The following ZNF804B variants were observed in gnomAD, a reference collection of about 807,000 sequenced individuals.
The protein encoded by ZNF804B is zinc finger 804B.
A neutral mutation model predicts 101.4 loss-of-function variants in ZNF804B; 80 were observed. The ratio of observed to expected loss-of-function variants is 0.79; its 90% CI spans 0.66 to 0.95. ZNF804B has a LOEUF of 0.95. Ranked by LOEUF, ZNF804B falls within the 40% of genes least tolerant of loss-of-function variation. The pLI is 0.00. For missense variants in ZNF804B, 1,673 were observed against 1,561.9 expected (o/e 1.07, Z -1.20); for synonymous variants, 622 against 558.8 (o/e 1.11, Z -1.59).
chr7:89,274,985 A>G lies in ZNF804B; in HGVS notation c.250-52359A>G, dbSNP rs532306065. 3.9e-5 allele frequency among the ~76,000 whole-genome samples: 6 copies of G among 151,922 alleles called. No homozygotes were observed. In the South Asian group the frequency reaches 1.2e-3, roughly 32 times the overall value. On this transcript the variant is annotated intron_variant, in intron 2 of 3. Transcript: ENST00000333190. ...TTCTCAGTGAGACAGAGAATAGAAA[A>G]CTCTCAAATGTGTAGCTCTGAAATG...
chr7:89,166,774 T>C (rs577250126), intron 1 of ZNF804B, among the ~76,000 whole-genome samples: 2 of 152,182 alleles, frequency 1.3e-5, no homozygotes, highest in South Asian at 4.1e-4. Flanking sequence ...ATTGGAGAGA[T>C]GAACTTCCCA....
chr7:88,995,353 A>G (rs1357467992), intron 1 of ZNF804B, among the ~76,000 whole-genome samples: 2 of 152,110 alleles, frequency 1.3e-5, no homozygotes, highest in Admixed American at 6.6e-5. Context: ...TATAATAGAT[A>G]TACTTACTAA....
chr7:89,041,396 CTGATGCTGGG>C (rs1789015547), intron 1 of ZNF804B, among the ~76,000 whole-genome samples: 2 of 152,102 alleles, frequency 1.3e-5, no homozygotes, highest in South Asian at 4.1e-4. Context: ...AGTGGCCAGC[CTGATGCTGGG>C]ACAGGTCTTA....
intron 1 of ZNF804B, among the ~76,000 whole-genome samples, chr7:88,843,779 A>G (rs1193518737): frequency 6.6e-6 from 1 of 152,012 alleles, no homozygotes; most frequent in South Asian, 2.1e-4. Context: ...AAATGAAGAC[A>G]ATGTCAAACT....
intron 1 of ZNF804B, among the ~76,000 whole-genome samples, chr7:88,950,140 A>G (rs1356171676): frequency 6.6e-6 from 1 of 151,952 alleles, no homozygotes; most frequent in Non-Finnish European, 1.5e-5. Context: ...CAATCATGTC[A>G]TAAGTGAATA....
At chr7:89,126,834 T>C (rs1024244896) in intron 1 of ZNF804B, among the ~76,000 whole-genome samples, 14 of 151,954 alleles carry the variant, frequency 9.2e-5, no homozygotes, top group African/African-American at 3.1e-4. Context: ...GCATCATTAG[T>C]ATACTGAGAT....
At chr7:89,156,131 T>C (rs1283757111) in intron 1 of ZNF804B, among the ~76,000 whole-genome samples, 1 of 150,848 alleles carries the variant, frequency 6.6e-6, no homozygotes, top group Admixed American at 6.6e-5. Context: ...CTTTCCTTCT[T>C]TCATGGAGTT....
chr7:89,168,596 G>T (rs542706846), intron 1 of ZNF804B, among the ~76,000 whole-genome samples: 26 of 151,050 alleles, frequency 1.7e-4, no homozygotes, highest in African/African-American at 6.1e-4. Flanking sequence ...ACCCCTTAAA[G>T]CTTAAAGAAA....
At chr7:88,868,865 G>A (rs1270136639) in intron 1 of ZNF804B, among the ~76,000 whole-genome samples, 2 of 152,150 alleles carry the variant, frequency 1.3e-5, no homozygotes, top group Non-Finnish European at 2.9e-5. Flanking sequence ...GTTCCTCCTG[G>A]GAGAAAAGAG....
chr7:88,794,009 T>C (rs952258824), intron 1 of ZNF804B: 21 of 479,166 alleles, frequency 4.4e-5, no homozygotes, highest in Non-Finnish European at 6.7e-5. Flanking sequence ...CCACAACAAA[T>C]AGATACATTT....
intron 2 of ZNF804B, among the ~76,000 whole-genome samples, chr7:89,277,664 A>G (rs1790009680): frequency 6.6e-6 from 1 of 151,364 alleles, no homozygotes; most frequent in South Asian, 2.1e-4. Context: ...CCATGTCCCT[A>G]CAAAGGACAT....
At position 89,048,235 on chromosome 7, in the gene ZNF804B, C is replaced by T. The variant is rs1030286452; in HGVS notation, c.109-169920C>T. Among the ~76,000 whole-genome samples, 3 of 146,914 alleles carry T rather than the reference C, an allele frequency of 2.0e-5. No homozygotes were observed. The South Asian group carries it at 6.4e-4, about 32-fold the overall frequency. ...ACACACACACACACACAATGGAATA[C>T]TACTCAGCTGTAAAAAGGAATGAAT... On this transcript the variant is annotated intron_variant, in intron 1 of 3. Transcript: ENST00000333190.
chr7:89,011,561 C>T (rs141444855), intron 1 of ZNF804B, among the ~76,000 whole-genome samples: 3 of 152,242 alleles, frequency 2.0e-5, no homozygotes, highest in Non-Finnish European at 2.9e-5. Context: ...TGGGTAAATA[C>T]AGCTGTTCCA....
At chr7:89,194,297 G>A (rs1788508907) in intron 1 of ZNF804B, among the ~76,000 whole-genome samples, 2 of 151,950 alleles carry the variant, frequency 1.3e-5, no homozygotes, top group South Asian at 2.1e-4. Flanking sequence ...CTTTTGCTGT[G>A]CAGAAGCTCT....
At chr7:89,175,888 C>T (rs1303083085) in intron 1 of ZNF804B, among the ~76,000 whole-genome samples, 1 of 151,772 alleles carries the variant, frequency 6.6e-6, no homozygotes, top group Non-Finnish European at 1.5e-5. Flanking sequence ...TTAAATGCTA[C>T]CAATTTTTCT....
intron 1 of ZNF804B, among the ~76,000 whole-genome samples, chr7:88,892,400 T>G (rs575374735): frequency 8.5e-5 from 13 of 152,286 alleles, no homozygotes; most frequent in Non-Finnish European, 1.3e-4. Context: ...ATAGTTTTTT[T>G]GGGGAGTATC....
intron 1 of ZNF804B, among the ~76,000 whole-genome samples, chr7:89,107,363 T>C (rs545004735): frequency 6.6e-6 from 1 of 152,292 alleles, no homozygotes; most frequent in South Asian, 2.1e-4. Flanking sequence ...TTAGTAATAG[T>C]TTCCATATGT....
intron 1 of ZNF804B, among the ~76,000 whole-genome samples, chr7:88,797,799 C>G (rs1308091465): frequency 2.0e-5 from 3 of 152,106 alleles, no homozygotes; most frequent in Non-Finnish European, 4.4e-5. Context: ...TCCACCTCAA[C>G]TTTCTGTTGA....
At chr7:89,165,638 T>A (rs1213131100) in intron 1 of ZNF804B, among the ~76,000 whole-genome samples, 1 of 152,036 alleles carries the variant, frequency 6.6e-6, no homozygotes, top group Non-Finnish European at 1.5e-5. Flanking sequence ...TACGTAAAAT[T>A]AAATGTCTTT....
Sources: gnomAD v4.1 joint callset for allele counts (sites outside exome capture counted in the v4.1 genomes callset) on GRCh38, gnomAD v4.1.1 for gene constraint, MANE v1.5 for transcripts, NCBI Gene and HGNC (gene_info 2026-07-23, HGNC 2026-07-21) for gene names.